The following SLC10A2 variants were observed in gnomAD, a reference collection of about 807,000 sequenced individuals.
SLC10A2 encodes solute carrier family 10 member 2, also known as ileal sodium/bile acid cotransporter.
SLC10A2 carries 34 observed loss-of-function variants against 27.1 expected under a neutral mutation model. That is an observed-to-expected ratio of 1.26 (90% CI 0.96 to 1.67). The LOEUF is 1.67. SLC10A2 is among the 40% of genes most tolerant of loss of function. SLC10A2 has a pLI of 0.00. For synonymous variants in SLC10A2, 205 were observed against 174.0 expected (o/e 1.18, Z -1.40); for missense variants, 530 against 444.4 (o/e 1.19, Z -1.73).
intron 2 of SLC10A2, 80 bp downstream of exon 2, chr13:103,058,184 A>G: frequency 1.2e-6 from 1 of 865,204 alleles, no homozygotes; most frequent in Non-Finnish European, 2.0e-6. Flanking sequence ...GTCAGGTGTG[A>G]GCCTGGTCTG....
Position 103,046,040 on chromosome 13 carries a change from T to C in SLC10A2, c.*93A>G, listed in dbSNP as rs199675810. 3.7e-5 allele frequency: 55 copies of C among 1,494,604 alleles called. 2 individuals carry two copies. Among genetic ancestry groups the C allele is most frequent in the Admixed American group, 5.2e-5 (3 of 57,584 alleles). The allele number at this position is 1,494,604 out of a possible 1,614,324, so 92.6% of individuals were successfully genotyped here. On this transcript the variant is annotated 3_prime_UTR_variant, in exon 6 of 6. Coordinates refer to ENST00000245312, the MANE Select transcript of SLC10A2 (RefSeq NM_000452.3). ...GAAATTCCAATTTTCACTTTAACTC[T>C]TTTCTGCCAACTGTCCTACCAAAAC...
At chr13:103,065,774 T>TGCC in intron 1 of SLC10A2, 99 bp downstream of exon 1, 2 of 1,366,312 alleles carry the variant, frequency 1.5e-6, no homozygotes, top group Non-Finnish European at 2.1e-6. Flanking sequence ...AGTCATACTT[T>TGCC]AGATGCGTGG....
At chr13:103,049,571 T>C in intron 4 of SLC10A2, 125 bp from the exon 5 acceptor site, 3 of 922,682 alleles carry the variant, frequency 3.3e-6, no homozygotes, top group South Asian at 1.4e-5. Context: ...GTATTTAAGA[T>C]AGGCTTATTC....
intron 2 of SLC10A2, among the ~76,000 whole-genome samples, chr13:103,055,297 C>G (rs1171063889): frequency 6.6e-6 from 1 of 152,148 alleles, no homozygotes. Context: ...CAATTTGCAG[C>G]AGTGGTTTTA....
intron 4 of SLC10A2, among the ~76,000 whole-genome samples, chr13:103,050,668 C>G (rs1160500296): frequency 2.0e-5 from 3 of 152,172 alleles, no homozygotes; most frequent in Non-Finnish European, 2.9e-5. Context: ...AAAAAAGAGG[C>G]AGTCAGTATT....
At chr13:103,046,429 G>A (rs1875613567) in intron 5 of SLC10A2, among the ~76,000 whole-genome samples, 169 bp from the exon 6 acceptor site, 1 of 152,164 alleles carries the variant, frequency 6.6e-6, no homozygotes, top group Non-Finnish European at 1.5e-5. Context: ...TACTCATGGC[G>A]AGAGGGATGA....
At chr13:103,053,862 A>C (rs1254557931) in intron 2 of SLC10A2, among the ~76,000 whole-genome samples, 1 of 151,854 alleles carries the variant, frequency 6.6e-6, no homozygotes, top group Non-Finnish European at 1.5e-5. Flanking sequence ...GTAGGAAAAA[A>C]AAAGATAAAT....
intron 1 of SLC10A2, 105 bp from the exon 2 acceptor site, chr13:103,058,487 T>C (rs9514089): frequency 0.38 from 282,162 of 734,904 alleles, 55,859 homozygotes; most frequent in African/African-American, 0.49. Context: ...TTTAGGGGTA[T>C]ATGTGCATGT....
chr13:103,065,799 A>G, intron 1 of SLC10A2, 74 bp downstream of exon 1: 2 of 1,550,748 alleles, frequency 1.3e-6, no homozygotes, highest in South Asian at 2.2e-5. Flanking sequence ...TCAGTTGGAC[A>G]TTCAGAATGC....
chr13:103,051,472 T>A, intron 3 of SLC10A2, 40 bp from the exon 4 acceptor site: 1 of 1,602,450 alleles, frequency 6.2e-7, no homozygotes, highest in Non-Finnish European at 8.5e-7. Flanking sequence ...CAATCATGAG[T>A]CAAAGCAAAT....
intron 2 of SLC10A2, among the ~76,000 whole-genome samples, chr13:103,054,805 G>T (rs1373299844): frequency 6.6e-6 from 1 of 152,104 alleles, no homozygotes; most frequent in Non-Finnish European, 1.5e-5. Context: ...AGAGGTGGAT[G>T]TTGTAACTTT....
intron 1 of SLC10A2, among the ~76,000 whole-genome samples, chr13:103,060,084 TC>T (rs1221024587): frequency 5.3e-5 from 8 of 152,018 alleles, no homozygotes. Flanking sequence ...AATGATGCTA[TC>T]TCTAGTACTA....
At chr13:103,050,011 A>C (rs1183028967) in intron 4 of SLC10A2, among the ~76,000 whole-genome samples, 1 of 151,756 alleles carries the variant, frequency 6.6e-6, no homozygotes, top group Non-Finnish European at 1.5e-5. Flanking sequence ...CAAAAAAATT[A>C]GCCAGGCAAG....
chr13:103,061,647 G>A (rs534194507), intron 1 of SLC10A2, among the ~76,000 whole-genome samples: 59 of 152,160 alleles, frequency 3.9e-4, no homozygotes, highest in African/African-American at 1.3e-3. Context: ...TTTGAGTTTG[G>A]TGAGAGCAGT....
chr13:103,054,471 C>A (rs1875881911), intron 2 of SLC10A2, among the ~76,000 whole-genome samples: 1 of 152,156 alleles, frequency 6.6e-6, no homozygotes, highest in African/African-American at 2.4e-5. Flanking sequence ...GTCTTAAAAC[C>A]ATCTGGATAT....
In SLC10A2 at chr13:103,058,151, A is replaced by G. The variant is rs1287746307; in HGVS notation, c.496+113T>C. 7 of 785,168 alleles carry G rather than the reference A, an allele frequency of 8.9e-6. No individual in the cohort carries two copies. The East Asian group carries it at 1.7e-4, about 19-fold the overall frequency. The allele number at this position is 785,168 out of a possible 1,614,324, so 48.6% of individuals were successfully genotyped here. A position where few individuals can be genotyped will look rare whatever the true frequency, so the allele number is the denominator to read the frequency against. ...GTGACTTTATAATGAAATCAGGCAA[A>G]AACTCCTACTAGGGCAATAACGGTC... On this transcript the variant is annotated intron_variant, in intron 2 of 5. Transcript: ENST00000245312.
rs279918 is a variant in SLC10A2 at position 103,058,489 on chromosome 13, T to C, written c.378-107A>G. 9,690 of 720,900 alleles carry C rather than the reference T, an allele frequency of 0.013. 712 individuals carry two copies. The African/African-American group carries it at 0.15, about 11-fold the overall frequency. 44.7% of individuals were successfully genotyped at this position (720,900 alleles called of 1,614,324 possible). On this transcript the variant is annotated intron_variant, in intron 1 of 5. Coordinates refer to ENST00000245312, the MANE Select transcript of SLC10A2 (RefSeq NM_000452.3). ...CTTTTATTTTAAGTTTAGGGGTATA[T>C]GTGCATGTTTGTTATATAGGTCAAC...
rs147498129 is a variant in SLC10A2 at position 103,046,142 on chromosome 13, G to A, written c.1038C>T (p.Asp346=). 377 of 1,613,632 alleles carry A rather than the reference G, an allele frequency of 2.3e-4. 2 individuals carry two copies. The African/African-American group carries it at 3.2e-3, about 14-fold the overall frequency. The change falls in exon 6 of 6, where the codon GAC becomes GAT. Residue 346 remains aspartate (D), a synonymous_variant. Transcript: ENST00000245312. The stretch of plus-strand genomic sequence containing the variant: ...TTTGTCCACTTGATGTCTACTTTTC[G>A]TCAGGTTGAAATCCTCCATTTGCCT... The part of the protein sequence containing the change: ...FYKANGGFQP[D]EK
At position 103,053,910 on chromosome 13, in the gene SLC10A2, T is replaced by C. The variant is rs143982137; in HGVS notation, c.497-1202A>G. On this transcript the variant is annotated intron_variant, in intron 2 of 5. Transcript: ENST00000245312. ...GGAGGGAATAATGGAAAAAAAGATGTGAAAGAGTGGCGTTGACACACGTAC... is the reference window on the plus strand; with the variant it reads ...GGAGGGAATAATGGAAAAAAAGATGCGAAAGAGTGGCGTTGACACACGTAC... Among the ~76,000 whole-genome samples, 384 of 152,002 alleles carry C rather than the reference T, an allele frequency of 2.5e-3. 1 individual carries two copies. Among genetic ancestry groups the C allele is most frequent in the Non-Finnish European group, 3.4e-3 (231 of 67,978 alleles).
Sources: allele counts gnomAD v4.1 joint callset (sites outside exome capture counted in the v4.1 genomes callset), GRCh38; gene constraint gnomAD v4.1.1; transcripts MANE v1.5; gene names NCBI Gene and HGNC (gene_info 2026-07-23, HGNC 2026-07-21).